APC2: variants seen among roughly 807,000 people sequenced by gnomAD.
APC2 encodes the protein adenomatous polyposis coli protein 2.
Under a neutral mutation model 72.5 loss-of-function variants are expected in APC2, and 41 were observed. The ratio of observed to expected loss-of-function variants is 0.57; its 90% CI spans 0.44 to 0.73. The LOEUF (loss-of-function observed/expected upper bound fraction) is 0.73, where lower values mean the gene tolerates loss of function less well. APC2 is among the 30% of genes least tolerant of loss of function. The pLI is 0.00. For missense variants in APC2, 3,729 were observed against 3,403.4 expected (o/e 1.10, Z -2.38); for synonymous variants, 1,898 against 1,612.0 (o/e 1.18, Z -4.25).
At chr19:1,461,812 A>T in intron 13 of APC2, 151 bp from the exon 14 acceptor site, 1 of 650,602 alleles carries the variant, frequency 1.5e-6, no homozygotes, top group Non-Finnish European at 2.6e-6. Flanking sequence ...AGATCTCGCC[A>T]CTGCACTCCA....
In APC2 at chr19:1,456,929, T is replaced by G; in HGVS notation, c.893T>G (p.Met298Arg). 6.4e-7 allele frequency: 1 copy of G among 1,564,438 alleles called. No homozygotes were observed. The change falls in exon 9 of 15, where the codon ATG (methionine) becomes AGG (arginine). Residue 298 changes from methionine to arginine, a missense_variant. Met to Arg is a moderately conservative substitution (Grantham distance 91, BLOSUM62 -1). Coordinates refer to ENST00000590469, the MANE Select transcript of APC2 (RefSeq NM_005883.3). ...QEDTARTLLA[M>R]SSSPESCVAM... ...GATACAGCGCGCACGCTGCTGGCCATGTCCAGCTCGCCCGAGAGCTGCGTG... is the reference window on the plus strand; with the variant it reads ...GATACAGCGCGCACGCTGCTGGCCAGGTCCAGCTCGCCCGAGAGCTGCGTG...
chr19:1,468,149 C>T lies in APC2; in HGVS notation c.4848C>T (p.Arg1616=). ...AGGACCCGGGCCCAGGAGGCGGACG[C>T]GACAGCTCGCCCAGCCCGCGGGCCG... ...VTKDPGPGGG[R]DSSPSPRAAE... The change falls in exon 15 of 15, where the codon CGC becomes CGT. Residue 1616 remains arginine (R), a synonymous_variant. Transcript: ENST00000590469. 2 of 1,477,428 alleles carry T rather than the reference C, an allele frequency of 1.4e-6. No homozygotes were observed. Among genetic ancestry groups the T allele is most frequent in the South Asian group, 1.3e-5 (1 of 77,386 alleles). 91.5% of individuals were successfully genotyped at this position (1,477,428 alleles called of 1,614,324 possible).
At position 1,467,967 on chromosome 19, in the gene APC2, C is replaced by A. The variant is rs2084052301; in HGVS notation, c.4666C>A (p.Pro1556Thr). ...KEAPAPSKAA[P>T]AAPPPARTQP... ...GGCCCCTGCCCCGTCCAAGGCTGCA[C>A]CAGCTGCCCCGCCGCCCGCCCGGAC... The change falls in exon 15 of 15, where the codon CCA becomes ACA. Residue 1556 changes from proline to threonine, a missense_variant. Physicochemically the swap from Pro to Thr is conservative, Grantham distance 38. Coordinates refer to ENST00000590469, the MANE Select transcript of APC2 (RefSeq NM_005883.3). 4 of 1,579,774 alleles carry A rather than the reference C, an allele frequency of 2.5e-6. No individual in the cohort carries two copies. The highest frequency in any genetic ancestry group is 3.4e-6 in the Non-Finnish European group (4 of 1,172,258).
rs1312843741 is a variant in APC2 at position 1,460,034 on chromosome 19, G to A, written c.1304-147G>A. 3 of 1,104,906 alleles carry A rather than the reference G, an allele frequency of 2.7e-6. No individual in the cohort carries two copies. The Admixed American group carries it at 7.2e-5, about 27-fold the overall frequency. The allele number at this position is 1,104,906 out of a possible 1,614,324, so 68.4% of individuals were successfully genotyped here. A position where few individuals can be genotyped will look rare whatever the true frequency, so the allele number is the denominator to read the frequency against. ...CAGGGTGAGGCCATACCGGCTCCTG[G>A]AGGAGGTCTCAGACTTGGGCCTGGA... On this transcript the variant is annotated intron_variant, in intron 10 of 14. Transcript: ENST00000590469.
chr19:1,452,802 G>T lies in APC2; in HGVS notation c.-18-182G>T. Reference sequence around the variant, plus strand: ...CACTCCACCTGCCCCTCTGCGCCCCGGATTGCCTGGCCACCACCACGTGGG... The same window carrying T: ...CACTCCACCTGCCCCTCTGCGCCCCTGATTGCCTGGCCACCACCACGTGGG... On this transcript the variant is annotated intron_variant, in intron 1 of 14. Coordinates refer to ENST00000590469, the MANE Select transcript of APC2 (RefSeq NM_005883.3). This position sits in a 1 kb window ranked among gnomAD's most constrained non-coding sequence, Gnocchi z 5.1. 1 of 695,608 alleles carries T rather than the reference G, an allele frequency of 1.4e-6. No individual in the cohort carries two copies. The highest frequency in any genetic ancestry group is 2.3e-6 in the Non-Finnish European group (1 of 432,362). 43.1% of individuals were successfully genotyped at this position (695,608 alleles called of 1,614,324 possible). A position where few individuals can be genotyped will look rare whatever the true frequency, so the allele number is the denominator to read the frequency against.
In APC2 at chr19:1,466,323, G is replaced by A; in HGVS notation, c.3022G>A (p.Ala1008Thr). The change falls in exon 15 of 15, where the codon GCC (alanine) becomes ACC (threonine). Residue 1008 changes from alanine (A) to threonine (T), a missense_variant. Coordinates refer to ENST00000590469, the MANE Select transcript of APC2 (RefSeq NM_005883.3). ...TCAGCACGTGCCACTGCTTGAGGGTGCCTCAAGGGCGGGTGCAGAGCCCCT... is the reference window on the plus strand; with the variant it reads ...TCAGCACGTGCCACTGCTTGAGGGTACCTCAAGGGCGGGTGCAGAGCCCCT... ...TYQHVPLLEG[A>T]SRAGAEPLAG... The A allele has an allele frequency of 6.5e-7, 1 of 1,540,962 alleles. No homozygotes were observed.
chr19:1,457,895 C>CGGCGGGGGG (rs1555675931), intron 9 of APC2, 70 bp from the exon 10 acceptor site: 6 of 1,233,430 alleles, frequency 4.9e-6, no homozygotes, highest in South Asian at 1.3e-5. Flanking sequence ...GGGCGGGTTG[C>CGGCGGGGGG]GGGACCTTCG....
At position 1,465,562 on chromosome 19, in the gene APC2, C is replaced by G. The variant is rs1005295398; in HGVS notation, c.2261C>G (p.Thr754Ser). 7.1e-6 allele frequency: 11 copies of G among 1,549,612 alleles called. No individual in the cohort carries two copies. The highest frequency in any genetic ancestry group is 7.8e-6 in the Non-Finnish European group (9 of 1,149,072). Reference protein sequence around the residue: ...KQGPPAAEAATKKPLPPLRHL... With the variant: ...KQGPPAAEAASKKPLPPLRHL... Reference sequence around the variant, plus strand: ...GGCCCGCCGGCAGCCGAGGCCGCCACTAAGAAGCCGCTGCCGCCCCTGCGA... The same window carrying G: ...GGCCCGCCGGCAGCCGAGGCCGCCAGTAAGAAGCCGCTGCCGCCCCTGCGA... The change falls in exon 15 of 15, where the codon ACT becomes AGT. Residue 754 changes from threonine (T) to serine (S), a missense_variant. Thr to Ser is a moderately conservative substitution (Grantham distance 58). Transcript: ENST00000590469.
At chr19:1,446,411 C>G (rs1017474140), upstream of APC2, 1 of 972,636 alleles carries the variant, frequency 1.0e-6, no homozygotes, top group African/African-American at 1.8e-5. This position sits in a 1 kb window ranked among gnomAD's most constrained non-coding sequence, Gnocchi z 6.1. Context: ...GTCCACACCG[C>G]GGGAACAGCG....
Position 1,460,167 on chromosome 19 carries a change from T to G in APC2, c.1304-14T>G, listed in dbSNP as rs1370721781. 1.2e-6 allele frequency: 2 copies of G among 1,612,922 alleles called. No individual in the cohort carries two copies. The highest frequency in any genetic ancestry group is 1.7e-6 in the Non-Finnish European group (2 of 1,179,976). Reference sequence around the variant, plus strand: ...TCATCCCTGCCACCCACCAACCTTGTTGGGTCCTCACAGGTGGGCTGCAGG... The same window carrying G: ...TCATCCCTGCCACCCACCAACCTTGGTGGGTCCTCACAGGTGGGCTGCAGG... On this transcript the variant is annotated splice_polypyrimidine_tract_variant and intron_variant, in intron 10 of 14. Coordinates refer to ENST00000590469, the MANE Select transcript of APC2 (RefSeq NM_005883.3).
At chr19:1,458,860 T>TTTTAGTAGA (rs1411324902) in intron 10 of APC2, among the ~76,000 whole-genome samples, 4 of 152,066 alleles carry the variant, frequency 2.6e-5, no homozygotes, top group Non-Finnish European at 5.9e-5. Flanking sequence ...ATTTTTGTAT[T>TTTTAGTAGA]TTTAGTAGAG....
chr19:1,456,487 G>A, intron 8 of APC2, 83 bp downstream of exon 8: 1 of 1,327,922 alleles, frequency 7.5e-7, no homozygotes, highest in East Asian at 2.5e-5. Flanking sequence ...CAGTGGTGGT[G>A]CCCTCCCATG....
chr19:1,465,022 C>T (rs2083983720), intron 14 of APC2, 133 bp from the exon 15 acceptor site: 1 of 909,270 alleles, frequency 1.1e-6, no homozygotes, highest in African/African-American at 1.7e-5. Flanking sequence ...ATACTTATAC[C>T]AAAAATTAGT....
intron 14 of APC2, among the ~76,000 whole-genome samples, chr19:1,462,758 CAGG>C (rs1184711595): frequency 7.5e-6 from 1 of 133,254 alleles, no homozygotes; most frequent in Non-Finnish European, 1.6e-5. Context: ...ATCACGAGGT[CAGG>C]AGATCGAGAC....
rs1443421771 is a variant in APC2 at position 1,468,500 on chromosome 19, C to A, written c.5199C>A (p.Pro1733=). The A allele has an allele frequency of 5.0e-6, 8 of 1,604,668 alleles. No individual in the cohort carries two copies. The highest frequency in any genetic ancestry group is 6.8e-6 in the Non-Finnish European group (8 of 1,176,296). ...GLSVGSTLQP[P]KHRKGRQAEG... is the part of the protein sequence containing the mutation. Reference sequence around the variant, plus strand: ...CAGTGGGATCCACCCTACAGCCCCCCAAGCACAGGAAGGGACGACAGGCGG... The same window carrying A: ...CAGTGGGATCCACCCTACAGCCCCCAAAGCACAGGAAGGGACGACAGGCGG... The change falls in exon 15 of 15, where the codon CCC becomes CCA. Residue 1733 remains proline (P), a synonymous_variant. Transcript: ENST00000590469.
intron 11 of APC2, 116 bp from the exon 12 acceptor site, chr19:1,460,664 C>A: frequency 9.0e-7 from 1 of 1,112,068 alleles, no homozygotes; most frequent in Non-Finnish European, 1.3e-6. Context: ...CGGTAGTGGT[C>A]AGGATCAGCA....
intron 6 of APC2, 127 bp downstream of exon 6, chr19:1,455,627 C>T (rs1265853470): frequency 2.1e-6 from 2 of 942,258 alleles, no homozygotes; most frequent in Non-Finnish European, 3.2e-6. Context: ...GGTTGGGGGG[C>T]GCGGGTTCTG....
At chr19:1,450,964 T>C (rs1376746750) in intron 1 of APC2, among the ~76,000 whole-genome samples, 1 of 152,066 alleles carries the variant, frequency 6.6e-6, no homozygotes, top group Non-Finnish European at 1.5e-5. Context: ...TGAGTCGCGG[T>C]GTACATGGAG....
rs543121280 is a variant in APC2 at position 1,457,691 on chromosome 19, C to T, written c.1208-274C>T. 1.2e-3 allele frequency: 642 copies of T among 548,010 alleles called. 3 individuals are homozygous for T. The highest frequency in any genetic ancestry group is 0.011 in the African/African-American group (583 of 52,500). 33.9% of individuals were successfully genotyped at this position (548,010 alleles called of 1,614,324 possible). ...CCAGTCTGGACAACAGAGCGAGACC[C>T]TGTCTCGTCAGTTTTATTTTTAAAA... On this transcript the variant is annotated intron_variant, in intron 9 of 14. Coordinates refer to ENST00000590469, the MANE Select transcript of APC2 (RefSeq NM_005883.3).
Sources: allele counts gnomAD v4.1 joint callset (sites outside exome capture counted in the v4.1 genomes callset), GRCh38; gene constraint gnomAD v4.1.1; non-coding constraint Gnocchi (gnomAD v3.1); transcripts MANE v1.5; gene names NCBI Gene and HGNC (gene_info 2026-07-23, HGNC 2026-07-21).